The following ING5 variants were observed in gnomAD, a reference collection of about 807,000 sequenced individuals.
ING5 encodes the protein inhibitor of growth family member 5, also known as inhibitor of growth protein 5.
ING5 carries 17 observed loss-of-function variants against 37.4 expected under a neutral mutation model. The observed-to-expected ratio is 0.45, with a 90% CI of 0.31 to 0.68. The LOEUF (loss-of-function observed/expected upper bound fraction) is 0.68. Ranked by LOEUF, ING5 falls within the 30% of genes least tolerant of loss-of-function variation. The pLI, the probability that ING5 is intolerant of heterozygous loss-of-function variation, is 0.05. For missense variants in ING5, 233 were observed against 311.9 expected (o/e 0.75, Z 1.91); for synonymous variants, 123 against 116.6 (o/e 1.06, Z -0.36).
At chr2:241,717,121 C>T (rs893969558) in intron 5 of ING5, among the ~76,000 whole-genome samples, 2 of 151,072 alleles carry the variant, frequency 1.3e-5, no homozygotes, top group African/African-American at 4.9e-5. Context: ...GTGTCCCAGG[C>T]TGGAGTGCAG....
chr2:241,722,418 G>C (rs909314839), intron 5 of ING5: 1 of 985,284 alleles, frequency 1.0e-6, no homozygotes, highest in Admixed American at 6.1e-5. Context: ...CTGTGGGTGA[G>C]TGCTGCGCTT....
chr2:241,698,115 G>A (rs1346875251), upstream of ING5, among the ~76,000 whole-genome samples: 1 of 147,518 alleles, frequency 6.8e-6, no homozygotes, highest in African/African-American at 2.5e-5. Flanking sequence ...AAGGCAGAAT[G>A]AACCCTTATG....
In ING5 at chr2:241,725,743, G is replaced by C. The variant is rs1691595475; in HGVS notation, c.*712G>C. ...AGCACCCGCGAGACCCTGTGCGACA[G>C]CTGGGCTGATGCTCCGTTTCTCTGG... On this transcript the variant is annotated 3_prime_UTR_variant, in exon 8 of 8. Coordinates refer to ENST00000313552, the MANE Select transcript of ING5 (RefSeq NM_032329.6). 6.5e-6 allele frequency: 1 copy of C among 152,680 alleles called. No homozygotes were observed. The highest frequency in any genetic ancestry group is 1.5e-5 in the Non-Finnish European group (1 of 68,046). The allele number at this position is 152,680 out of a possible 1,614,324, so 9.5% of individuals were successfully genotyped here. A position where few individuals can be genotyped will look rare whatever the true frequency, so the allele number is the denominator to read the frequency against.
At chr2:241,701,120 A>ATTTTTTTTTTT (rs529886209), upstream of ING5, among the ~76,000 whole-genome samples, 1 of 136,462 alleles carries the variant, frequency 7.3e-6, no homozygotes, top group East Asian at 2.2e-4. Context: ...CGCTTGGCTA[A>ATTTTTTTTTTT]TTTTTTTTTT....
rs1691624459 is a variant in ING5 at position 241,726,426 on chromosome 2, CG to C, written c.*1399del. 1 of 152,204 alleles carries C rather than the reference CG, an allele frequency of 6.6e-6. No homozygotes were observed. The highest frequency in any genetic ancestry group is 1.5e-5 in the Non-Finnish European group (1 of 68,038). The allele number at this position is 152,204 out of a possible 1,614,324, so 9.4% of individuals were successfully genotyped here. A position where few individuals can be genotyped will look rare whatever the true frequency, so the allele number is the denominator to read the frequency against. On this transcript the variant is annotated 3_prime_UTR_variant, in exon 8 of 8. Transcript: ENST00000313552. ...AACGTGTGAAGCTCTGTGTCTCAGA[CG>C]GGGCCCTCCCGTCGAGAAGCTGGTA...
chr2:241,704,793 C>G (rs1030326213), intron 2 of ING5, 69 bp downstream of exon 2: 61 of 1,353,388 alleles, frequency 4.5e-5, no homozygotes, highest in Non-Finnish European at 5.7e-5. Context: ...CTCCTGAAGG[C>G]TGGGGGCAGA....
exon 1 of ING5, chr2:241,687,558 C>T (rs1312768535): frequency 1.3e-5 from 5 of 380,750 alleles, no homozygotes; most frequent in Middle Eastern, 6.6e-4. Flanking sequence ...GACAGAGTCT[C>T]GCTCTGTCAC....
At chr2:241,708,758 T>A (rs2070006041) in intron 2 of ING5, among the ~76,000 whole-genome samples, 2 of 152,200 alleles carry the variant, frequency 1.3e-5, no homozygotes, top group Admixed American at 1.3e-4. Context: ...GGGGTTGTTT[T>A]CTGTTTTCTG....
chr2:241,721,289 CTG>C (rs1446822639), intron 5 of ING5: 1 of 985,342 alleles, frequency 1.0e-6, no homozygotes, highest in Non-Finnish European at 1.2e-6. Context: ...CTACTTGAGA[CTG>C]TTGCTTGAAA....
chr2:241,723,903 G>A (rs1379294762), intron 7 of ING5: 1 of 1,352,460 alleles, frequency 7.4e-7, no homozygotes, highest in Non-Finnish European at 1.0e-6. Context: ...CCAACTACCT[G>A]GGAGGCGGAG....
In ING5 at chr2:241,722,921, G is replaced by A. The variant is rs1301620874; in HGVS notation, c.483-18G>A. The A allele has an allele frequency of 1.9e-6, 3 of 1,613,282 alleles. No individual in the cohort carries two copies. Among genetic ancestry groups the A allele is most frequent in the Non-Finnish European group, 1.7e-6 (2 of 1,179,996 alleles). ...CCCACCATGGCCTTCAGTGGTGCCT[G>A]TGCCCTGTCCCCTGCAGGTCTGAGT... On this transcript the variant is annotated intron_variant, in intron 5 of 7. Transcript: ENST00000313552.
chr2:241,725,426 G>C lies in ING5; in HGVS notation c.*395G>C, dbSNP rs930557913. On this transcript the variant is annotated 3_prime_UTR_variant, in exon 8 of 8. Transcript: ENST00000313552. Reference sequence around the variant, plus strand: ...TTCCAGGACTGTCCGGTACAGCCCGGGCTCCGCGTGCCCCGCCCGCTGGAG... The same window carrying C: ...TTCCAGGACTGTCCGGTACAGCCCGCGCTCCGCGTGCCCCGCCCGCTGGAG... 5.9e-6 allele frequency: 1 copy of C among 168,980 alleles called. No homozygotes were observed. The highest frequency in any genetic ancestry group is 2.4e-5 in the African/African-American group (1 of 41,592). 10.5% of individuals were successfully genotyped at this position (168,980 alleles called of 1,614,324 possible).
intron 2 of ING5, among the ~76,000 whole-genome samples, chr2:241,693,758 A>G (rs1478959959): frequency 7.0e-6 from 1 of 143,308 alleles, no homozygotes; most frequent in East Asian, 2.1e-4. Context: ...CCCAGGTTCA[A>G]GCAATTCTCC....
In ING5 at chr2:241,702,104, TA is replaced by T; in HGVS notation, c.37+4del. ...TGTACTTGGAGCACTATCTGGACAG[TA>T]AGCGCGCCCCACGGGCCCCGCGCCC... is the stretch of plus-strand genomic sequence containing the variant. On this transcript the variant is annotated splice_donor_region_variant and intron_variant, in intron 1 of 7. Coordinates refer to ENST00000313552, the MANE Select transcript of ING5 (RefSeq NM_032329.6). 1 of 1,329,294 alleles carries T rather than the reference TA, an allele frequency of 7.5e-7. No homozygotes were observed. The highest frequency in any genetic ancestry group is 1.7e-5 in the South Asian group (1 of 58,054). The allele number at this position is 1,329,294 out of a possible 1,614,324, so 82.3% of individuals were successfully genotyped here. A position where few individuals can be genotyped will look rare whatever the true frequency, so the allele number is the denominator to read the frequency against.
chr2:241,701,854 C>G (rs1169393856), upstream of ING5, among the ~76,000 whole-genome samples: 1 of 151,840 alleles, frequency 6.6e-6, no homozygotes, highest in South Asian at 2.1e-4. Flanking sequence ...GGCCCTGGGT[C>G]CTGCTCGCTG....
chr2:241,698,220 G>A (rs2069659060), upstream of ING5, among the ~76,000 whole-genome samples: 1 of 152,090 alleles, frequency 6.6e-6, no homozygotes, highest in Non-Finnish European at 1.5e-5. Context: ...CAAGGCAGGA[G>A]GATCATGAGG....
At chr2:241,692,840 T>C (rs1024403025) in intron 2 of ING5, among the ~76,000 whole-genome samples, 2 of 152,128 alleles carry the variant, frequency 1.3e-5, no homozygotes, top group South Asian at 2.1e-4. Flanking sequence ...TTTCACCTCC[T>C]CACCTGGGCC....
At chr2:241,704,520 A>T in intron 1 of ING5, 133 bp from the exon 2 acceptor site, 1 of 702,376 alleles carries the variant, frequency 1.4e-6, no homozygotes. Context: ...GTGAGCCAAG[A>T]TCGCACCACT....
upstream of ING5, chr2:241,702,010 C>T (rs1410026078): frequency 1.0e-5 from 13 of 1,293,392 alleles, no homozygotes; most frequent in African/African-American, 1.6e-5. Context: ...CGCCCCGCCC[C>T]CGCCTCCCGC....
Sources: gnomAD v4.1 joint callset for allele counts (sites outside exome capture counted in the v4.1 genomes callset) on GRCh38, gnomAD v4.1.1 for gene constraint, MANE v1.5 for transcripts, NCBI Gene and HGNC (gene_info 2026-07-23, HGNC 2026-07-21) for gene names.